The following COPB2 variants were observed in gnomAD, a reference collection of about 807,000 sequenced individuals.
The protein encoded by COPB2 is coat protein complex I subunit beta 2.
In COPB2, 16 loss-of-function variants were observed where a neutral mutation model predicts 120.8. That is an observed-to-expected ratio of 0.13 (90% confidence interval 0.09 to 0.20). The LOEUF is 0.20. COPB2 is among the 10% of genes least tolerant of loss of function. COPB2 has a pLI of 1.00. For missense variants in COPB2, 794 were observed against 1,076.5 expected (o/e 0.74, Z 3.67); for synonymous variants, 332 against 366.3 (o/e 0.91, Z 1.07).
rs772123622 is a variant in COPB2, at chr3:139,361,173, A to G, written c.2118T>C (p.Ser706=). 162 of 1,614,222 alleles carry G rather than the reference A, an allele frequency of 1.0e-4. No individual in the cohort carries two copies. The highest frequency in any genetic ancestry group is 3.3e-4 in the Middle Eastern group (2 of 6,062). ...GCTTGTTCACCATATTAGCATTTCC[A>G]GAGGCAGTGGCCAAAAGCAGCAGGC... The part of the protein sequence containing the change: ...YGGLLLLATA[S]GNANMVNKLA... Residue 706 remains serine, a synonymous_variant, in exon 17 of 22, where the codon TCT becomes TCC. Coordinates refer to ENST00000333188, the MANE Select transcript of COPB2 (RefSeq NM_004766.3).
chr3:139,384,281 T>A (rs1417225008), intron 1 of COPB2, among the ~76,000 whole-genome samples: 1 of 152,186 alleles, frequency 6.6e-6, no homozygotes, highest in Admixed American at 6.5e-5. Context: ...GTCCACTGAA[T>A]TATGCACATC....
chr3:139,389,121 T>C (rs1941997380), intron 1 of COPB2, among the ~76,000 whole-genome samples: 1 of 152,208 alleles, frequency 6.6e-6, no homozygotes, highest in South Asian at 2.1e-4. Context: ...TCTTTGCTTG[T>C]TTATAGTTTG....
rs996044815 is a variant in COPB2 at position 139,389,566 on chromosome 3, A to G, written c.-16T>C. Reference sequence around the variant, plus strand: ...GACCTACCATGGCTGCGTCGGTCCAATCCCGGGAACCCTCGTTTGTTACCG... The same window carrying G: ...GACCTACCATGGCTGCGTCGGTCCAGTCCCGGGAACCCTCGTTTGTTACCG... On this transcript the variant is annotated 5_prime_UTR_variant, in exon 1 of 22. Transcript: ENST00000333188. 2 of 1,574,210 alleles carry G rather than the reference A, an allele frequency of 1.3e-6. No individual in the cohort carries two copies. The highest frequency in any genetic ancestry group is 1.7e-6 in the Non-Finnish European group (2 of 1,152,908).
rs1941326355 is a variant in COPB2 at position 139,358,071 on chromosome 3, C to T, written c.2626-113G>A. On this transcript the variant is annotated intron_variant, in intron 21 of 21. Coordinates refer to ENST00000333188, the MANE Select transcript of COPB2 (RefSeq NM_004766.3). ...AGATTTTCTTAATAGTCAAAAAGAGCATCTTCCCATTTCAAAGCCCCTGCT... is the reference window on the plus strand; with the variant it reads ...AGATTTTCTTAATAGTCAAAAAGAGTATCTTCCCATTTCAAAGCCCCTGCT... 3.9e-6 allele frequency: 4 copies of T among 1,020,418 alleles called. No individual in the cohort carries two copies. In the African/African-American group the frequency reaches 4.8e-5, roughly 12 times the overall value. 63.2% of individuals were successfully genotyped at this position (1,020,418 alleles called of 1,614,324 possible). A position where few individuals can be genotyped will look rare whatever the true frequency, so the allele number is the denominator to read the frequency against.
At chr3:139,366,525 T>G in intron 15 of COPB2, 43 bp downstream of exon 15, 3 of 1,540,126 alleles carry the variant, frequency 1.9e-6, no homozygotes, top group Non-Finnish European at 2.6e-6. Context: ...GCTTTCAAAT[T>G]GCAAGTTTTA....
At chr3:139,362,686 G>A (rs1026934156) in intron 15 of COPB2, among the ~76,000 whole-genome samples, 169 bp from the exon 16 acceptor site, 19 of 152,214 alleles carry the variant, frequency 1.2e-4, no homozygotes, top group South Asian at 2.1e-4. Context: ...AATAATTAAG[G>A]AGTCATTAAA....
At chr3:139,376,810 C>T (rs140727185) in intron 5 of COPB2, among the ~76,000 whole-genome samples, 286 of 152,348 alleles carry the variant, frequency 1.9e-3, no homozygotes, top group African/African-American at 6.3e-3. Flanking sequence ...AGCGCAGTGG[C>T]GCAATCTCGG....
At chr3:139,360,719 T>C (rs1488788936) in intron 17 of COPB2, among the ~76,000 whole-genome samples, 1 of 152,142 alleles carries the variant, frequency 6.6e-6, no homozygotes, top group African/African-American at 2.4e-5. Flanking sequence ...ATCAAAGTTA[T>C]CCAATTTGGG....
intron 1 of COPB2, among the ~76,000 whole-genome samples, chr3:139,387,044 C>CAAA (rs538025993): frequency 0.023 from 2,736 of 121,246 alleles, 37 homozygotes; most frequent in Middle Eastern, 0.072. Context: ...ACTAAAAATA[C>CAAA]AAAAAAAAAA....
intron 19 of COPB2, 21 bp from the exon 20 acceptor site, chr3:139,358,833 G>T (rs1560011484): frequency 6.4e-7 from 1 of 1,571,932 alleles, no homozygotes; most frequent in South Asian, 1.1e-5. Flanking sequence ...ATAAAGCAAT[G>T]ATGAAATGAG....
chr3:139,364,847 A>AT, intron 15 of COPB2, among the ~76,000 whole-genome samples: 1 of 152,358 alleles, frequency 6.6e-6, no homozygotes, highest in Non-Finnish European at 1.5e-5. Flanking sequence ...GCCCAAGGAC[A>AT]TCAGATACTT....
rs766490286 is a variant in COPB2 at position 139,358,185 on chromosome 3, TG to T, written c.2625+14del. ...GATGGGGTAGAGGGAGGTTTGAGTA[TG>T]ATGTCTGACCTACCTTTTCTTCTTT... On this transcript the variant is annotated intron_variant, in intron 21 of 21. Coordinates refer to ENST00000333188, the MANE Select transcript of COPB2 (RefSeq NM_004766.3). The T allele has an allele frequency of 6.2e-7, 1 of 1,611,464 alleles. No homozygotes were observed. Among genetic ancestry groups the T allele is most frequent in the African/African-American group, 1.3e-5 (1 of 74,860 alleles).
intron 17 of COPB2, among the ~76,000 whole-genome samples, chr3:139,360,582 G>A (rs115519928): frequency 1.5e-3 from 229 of 149,890 alleles, no homozygotes; most frequent in African/African-American, 5.1e-3. Context: ...GCCAACTAAT[G>A]TCCAAATGAT....
rs973290318 is a variant in COPB2 at position 139,375,443 on chromosome 3, G to C, written c.651+25C>G. On this transcript the variant is annotated intron_variant, in intron 6 of 21. Coordinates refer to ENST00000333188, the MANE Select transcript of COPB2 (RefSeq NM_004766.3). ...TAGTAAGAAACATATCTAACATATG[G>C]AAGTAAGGTTATGAAAAACTGTACC... 1.0e-5 allele frequency: 16 copies of C among 1,604,156 alleles called. No homozygotes were observed. The East Asian group carries it at 3.1e-4, about 31-fold the overall frequency.
chr3:139,383,572 C>CTA, intron 1 of COPB2, 137 bp from the exon 2 acceptor site: 1 of 751,418 alleles, frequency 1.3e-6, no homozygotes, highest in East Asian at 3.0e-5. Flanking sequence ...AGTTTCAAGT[C>CTA]TAAGCACTTA....
In COPB2 at chr3:139,389,611, A is replaced by G. The variant is rs2107814595; in HGVS notation, c.-61T>C. The G allele has an allele frequency of 4.0e-6, 6 of 1,501,972 alleles. No homozygotes were observed. In the South Asian group the frequency reaches 6.0e-5, roughly 15 times the overall value. 93.0% of individuals were successfully genotyped at this position (1,501,972 alleles called of 1,614,324 possible). Reference sequence around the variant, plus strand: ...TTACCGGCTACTCAGGCCTTGAGATAAACCCACCGATCCACTGACCGTCAG... The same window carrying G: ...TTACCGGCTACTCAGGCCTTGAGATGAACCCACCGATCCACTGACCGTCAG... On this transcript the variant is annotated 5_prime_UTR_variant, in exon 1 of 22. Coordinates refer to ENST00000333188, the MANE Select transcript of COPB2 (RefSeq NM_004766.3).
Position 139,383,372 on chromosome 3 carries a change from G to T in COPB2, c.67C>A (p.Leu23Met). ...AACATCCATGGCTCTGTAGGATGCA[G>T]ATCCACACTCTTAACTCGATCAGAT... ...ARSDRVKSVD[L>M]HPTEPWMLAS... Residue 23 changes from leucine (L) to methionine (M), a missense_variant, in exon 2 of 22, where the codon CTG becomes ATG. Around this residue, in one of 3 missense-constraint regions of COPB2, gnomAD observed 610 missense variants for 866.7 expected, o/e 0.70. Coordinates refer to ENST00000333188, the MANE Select transcript of COPB2 (RefSeq NM_004766.3). 1 of 1,613,836 alleles carries T rather than the reference G, an allele frequency of 6.2e-7. No individual in the cohort carries two copies. Among genetic ancestry groups the T allele is most frequent in the East Asian group, 2.2e-5 (1 of 44,842 alleles).
intron 1 of COPB2, 139 bp downstream of exon 1, chr3:139,389,409 G>GT: frequency 1.1e-6 from 1 of 911,470 alleles, no homozygotes; most frequent in South Asian, 3.3e-5. Flanking sequence ...GGAATCAAAC[G>GT]ACCAAGACCC....
At chr3:139,375,047 A>G (rs1941689974) in intron 6 of COPB2, among the ~76,000 whole-genome samples, 1 of 152,220 alleles carries the variant, frequency 6.6e-6, no homozygotes, top group African/African-American at 2.4e-5. Context: ...GATGTGGAAA[A>G]CAAAAATATC....
Sources: gnomAD v4.1 joint callset for allele counts (sites outside exome capture counted in the v4.1 genomes callset) on GRCh38, gnomAD v4.1.1 for gene constraint, gnomAD v4.1.1 regional missense constraint, MANE v1.5 for transcripts, NCBI Gene and HGNC (gene_info 2026-07-23, HGNC 2026-07-21) for gene names.